SLC26A7: variants seen among roughly 807,000 people sequenced by gnomAD.
SLC26A7 encodes solute carrier family 26 member 7.
In SLC26A7, 59 loss-of-function variants were observed where a neutral mutation model predicts 82.5. The observed-to-expected ratio is 0.72, with a 90% CI of 0.58 to 0.89. The LOEUF is 0.89. SLC26A7 is among the 40% of genes least tolerant of loss of function. The pLI is 0.00. For missense variants in SLC26A7, 820 were observed against 793.0 expected (o/e 1.03, Z -0.41); for synonymous variants, 271 against 274.3 (o/e 0.99, Z 0.12).
chr8:91,354,861 G>A (rs1813818531), intron 11 of SLC26A7, among the ~76,000 whole-genome samples: 1 of 152,050 alleles, frequency 6.6e-6, no homozygotes, highest in African/African-American at 2.4e-5. Context: ...ATAAGATATA[G>A]AAAATTCTAT....
intron 2 of SLC26A7, among the ~76,000 whole-genome samples, chr8:91,263,850 G>A (rs554578659): frequency 5.9e-4 from 90 of 152,110 alleles, no homozygotes; most frequent in African/African-American, 2.1e-3. Context: ...GGATAATATC[G>A]TGTCTACTTC....
intron 2 of SLC26A7, among the ~76,000 whole-genome samples, chr8:91,225,284 C>T (rs959481696): frequency 6.6e-6 from 1 of 152,184 alleles, no homozygotes; most frequent in African/African-American, 2.4e-5. Flanking sequence ...GGTTGGGATG[C>T]TAGATCCCAG....
At chr8:91,280,204 C>G (rs964163334) in intron 2 of SLC26A7, among the ~76,000 whole-genome samples, 1 of 152,160 alleles carries the variant, frequency 6.6e-6, no homozygotes, top group Non-Finnish European at 1.5e-5. Flanking sequence ...AGCTTTTCCA[C>G]AATATTTTCT....
intron 1 of SLC26A7, among the ~76,000 whole-genome samples, chr8:91,215,691 C>A (rs1810032314): frequency 6.6e-6 from 1 of 152,154 alleles, no homozygotes; most frequent in Non-Finnish European, 1.5e-5. Context: ...TTCCTATTCA[C>A]TGACCTTGGC....
chr8:91,306,492 A>G (rs974829803), intron 4 of SLC26A7, among the ~76,000 whole-genome samples: 2 of 152,122 alleles, frequency 1.3e-5, no homozygotes, highest in African/African-American at 4.8e-5. Flanking sequence ...GAACAGGTGG[A>G]GAGGATTTTC....
At chr8:91,334,942 G>T (rs1450578847) in intron 6 of SLC26A7, among the ~76,000 whole-genome samples, 1 of 152,112 alleles carries the variant, frequency 6.6e-6, no homozygotes, top group Non-Finnish European at 1.5e-5. Context: ...ATTGGCCAAA[G>T]TTGGTTCTCT....
chr8:91,394,922 C>G (rs976993571), intron 18 of SLC26A7, 140 bp from the exon 19 acceptor site: 27 of 1,012,548 alleles, frequency 2.7e-5, no homozygotes, highest in Non-Finnish European at 3.7e-5. Context: ...TTGAACTGCT[C>G]TACTCTGATG....
chr8:91,374,503 C>A (rs1814454296), intron 15 of SLC26A7, among the ~76,000 whole-genome samples: 1 of 151,966 alleles, frequency 6.6e-6, no homozygotes, highest in African/African-American at 2.4e-5. Flanking sequence ...CATTCAGGAG[C>A]AAGTTGCTTA....
intron 2 of SLC26A7, among the ~76,000 whole-genome samples, chr8:91,238,978 A>C (rs893020677): frequency 6.6e-6 from 1 of 152,330 alleles, no homozygotes; most frequent in South Asian, 2.1e-4. Context: ...ACTATGTGCT[A>C]CTAAGCATAT....
intron 14 of SLC26A7, among the ~76,000 whole-genome samples, chr8:91,369,418 T>A (rs1814291382): frequency 6.6e-6 from 1 of 151,798 alleles, no homozygotes; most frequent in African/African-American, 2.4e-5. Context: ...GTATATATGA[T>A]CAGTGGTTCT....
chr8:91,379,046 C>G (rs1002580822), intron 15 of SLC26A7, among the ~76,000 whole-genome samples: 2 of 151,190 alleles, frequency 1.3e-5, no homozygotes, highest in Non-Finnish European at 3.0e-5. Context: ...TAAAAGCTAC[C>G]ATTTACAGTA....
intron 5 of SLC26A7, among the ~76,000 whole-genome samples, chr8:91,320,537 C>A (rs116155072): frequency 0.021 from 3,184 of 152,254 alleles, 97 homozygotes; most frequent in African/African-American, 0.072. Context: ...TTCTGGTGAT[C>A]TGAGTGTTAG....
chr8:91,288,853 C>G (rs1239734274), intron 2 of SLC26A7, among the ~76,000 whole-genome samples: 1 of 152,272 alleles, frequency 6.6e-6, no homozygotes, highest in Non-Finnish European at 1.5e-5. Flanking sequence ...TACTGTCCAA[C>G]CTACCATTCA....
chr8:91,363,941 G>GTTT (rs5893169), intron 13 of SLC26A7, among the ~76,000 whole-genome samples: 4 of 135,688 alleles, frequency 2.9e-5, no homozygotes. Flanking sequence ...TCATGGTATT[G>GTTT]TTTTTTTTTT....
chr8:91,239,759 G>T (rs1810449451), intron 2 of SLC26A7, among the ~76,000 whole-genome samples: 1 of 152,184 alleles, frequency 6.6e-6, no homozygotes, highest in Non-Finnish European at 1.5e-5. Context: ...AGATGGATTT[G>T]AGTTGTTTTT....
At chr8:91,361,441 T>C (rs905454013) in intron 11 of SLC26A7, among the ~76,000 whole-genome samples, 8 of 152,120 alleles carry the variant, frequency 5.3e-5, no homozygotes, top group African/African-American at 1.9e-4. Flanking sequence ...ATATAGCTAT[T>C]AGGACAGAAA....
intron 11 of SLC26A7, among the ~76,000 whole-genome samples, chr8:91,355,257 CTG>C (rs1050089409): frequency 7.2e-5 from 11 of 152,182 alleles, no homozygotes; most frequent in African/African-American, 2.6e-4. Context: ...CAGAATATCA[CTG>C]TGGTTGAGCA....
chr8:91,282,340 C>T (rs1473755583), intron 2 of SLC26A7, among the ~76,000 whole-genome samples: 3 of 152,116 alleles, frequency 2.0e-5, no homozygotes, highest in Non-Finnish European at 4.4e-5. Flanking sequence ...TGCAGTTCTT[C>T]TCTAGAGCCA....
chr8:91,242,954 C>A, intron 2 of SLC26A7, among the ~76,000 whole-genome samples: 1 of 152,114 alleles, frequency 6.6e-6, no homozygotes, highest in Non-Finnish European at 1.5e-5. Flanking sequence ...AGATATCAAA[C>A]AAGGTTTAAT....
Sources: gnomAD v4.1 joint callset for allele counts (sites outside exome capture counted in the v4.1 genomes callset) on GRCh38, gnomAD v4.1.1 for gene constraint, MANE v1.5 for transcripts, NCBI Gene and HGNC (gene_info 2026-07-23, HGNC 2026-07-21) for gene names.